The following IPCEF1 variants were observed in gnomAD, a reference collection of about 807,000 sequenced individuals.
IPCEF1 encodes the protein interaction protein for cytohesin exchange factors 1.
A neutral mutation model predicts 50.9 loss-of-function variants in IPCEF1; 31 were observed. That is an observed-to-expected ratio of 0.61 (90% CI 0.46 to 0.82). The LOEUF (loss-of-function observed/expected upper bound fraction) is 0.82, where lower values mean the gene tolerates loss of function less well. Ranked by LOEUF, IPCEF1 falls within the 40% of genes least tolerant of loss-of-function variation. The pLI, the probability that IPCEF1 is intolerant of heterozygous loss-of-function variation, is 0.00. For missense variants in IPCEF1, 458 were observed against 514.0 expected (o/e 0.89, Z 1.05); for synonymous variants, 181 against 192.0 (o/e 0.94, Z 0.47).
intron 10 of IPCEF1, among the ~76,000 whole-genome samples, chr6:154,182,977 CT>C (rs66951776): frequency 0.068 from 10,045 of 148,690 alleles, 399 homozygotes; most frequent in African/African-American, 0.1. Flanking sequence ...ATGCCCTTAT[CT>C]TTTTTTTTTC....
chr6:154,253,031 A>G (rs1197048956), intron 3 of IPCEF1, among the ~76,000 whole-genome samples: 2 of 152,236 alleles, frequency 1.3e-5, no homozygotes, highest in Non-Finnish European at 2.9e-5. Flanking sequence ...ATTCTAACTC[A>G]TTGATCATCC....
chr6:154,247,484 A>T lies in IPCEF1; in HGVS notation c.41T>A (p.Val14Asp), dbSNP rs745538243. Reference protein sequence around the residue: ...YMAIDGSALQVPLRQKPRRKT... With the variant: ...YMAIDGSALQDPLRQKPRRKT... ...CCTCCTGGGCTTCTGACGCAAGGGA[A>T]CCTGCTGAAAATGCAGGAAGGAAAG... The change falls in exon 4 of 12, where the codon GTT becomes GAT. Residue 14 changes from valine to aspartate, a missense_variant. By Grantham distance (152) the Val-to-Asp change is radical (BLOSUM62 -3). Transcript: ENST00000367220. 1 of 1,612,534 alleles carries T rather than the reference A, an allele frequency of 6.2e-7. No homozygotes were observed. Among genetic ancestry groups the T allele is most frequent in the South Asian group, 1.1e-5 (1 of 90,978 alleles).
At chr6:154,255,035 T>C (rs892312998) in intron 3 of IPCEF1, among the ~76,000 whole-genome samples, 1 of 152,234 alleles carries the variant, frequency 6.6e-6, no homozygotes, top group Admixed American at 6.5e-5. Flanking sequence ...TATTGCAGTC[T>C]ACATATTTAT....
chr6:154,181,811 G>T (rs1800901120), intron 10 of IPCEF1, among the ~76,000 whole-genome samples: 1 of 152,150 alleles, frequency 6.6e-6, no homozygotes, highest in Non-Finnish European at 1.5e-5. Context: ...TTACCTTCTT[G>T]GGGACTTGAA....
chr6:154,246,888 C>A, intron 4 of IPCEF1, 128 bp from the exon 5 acceptor site: 2 of 1,039,176 alleles, frequency 1.9e-6, no homozygotes, highest in South Asian at 2.9e-5. Flanking sequence ...CTGGATTTTT[C>A]ACCAAGATTT....
At chr6:154,284,610 G>A (rs553808503) in intron 2 of IPCEF1, among the ~76,000 whole-genome samples, 1 of 152,270 alleles carries the variant, frequency 6.6e-6, no homozygotes, top group African/African-American at 2.4e-5. Flanking sequence ...GTTGCAGGAT[G>A]GTGGAGCTTT....
At chr6:154,195,497 A>G (rs2128586699) in intron 10 of IPCEF1, among the ~76,000 whole-genome samples, 1 of 152,180 alleles carries the variant, frequency 6.6e-6, no homozygotes, top group East Asian at 1.9e-4. Context: ...CTGATGAGAA[A>G]TGGTCATCCA....
intron 1 of IPCEF1, among the ~76,000 whole-genome samples, chr6:154,291,127 C>T (rs969599770): frequency 5.3e-5 from 8 of 152,018 alleles, no homozygotes; most frequent in East Asian, 1.9e-4. Flanking sequence ...CTCCTGACCT[C>T]GTGATCCACC....
chr6:154,313,345 A>C (rs1783132586), intron 1 of IPCEF1, among the ~76,000 whole-genome samples: 1 of 151,814 alleles, frequency 6.6e-6, no homozygotes, highest in Non-Finnish European at 1.5e-5. Context: ...ACTCCACTCC[A>C]TCTTGAGCAA....
intron 10 of IPCEF1, among the ~76,000 whole-genome samples, chr6:154,175,720 C>T (rs568778385): frequency 1.2e-4 from 19 of 152,270 alleles, no homozygotes; most frequent in South Asian, 6.2e-4. Context: ...CAGATGGATT[C>T]GCAGCCGAAT....
In IPCEF1 at chr6:154,159,971, T is replaced by G. The variant is rs1417449785; in HGVS notation, c.1174A>C (p.Arg392=). The change falls in exon 12 of 12, where the codon AGA becomes CGA. Residue 392 remains arginine, a synonymous_variant. Coordinates refer to ENST00000367220, the MANE Select transcript of IPCEF1 (RefSeq NM_001130700.2). ...DDPKLTARKY[R]EWKVMNTLLI... ...AGGGTGTTCATGACTTTCCACTCTC[T>G]GTATTTCCTGGCTGTCAGCTTCGGG... is the stretch of plus-strand genomic sequence containing the variant. The G allele has an allele frequency of 6.2e-7, 1 of 1,613,352 alleles. No individual in the cohort carries two copies. Among genetic ancestry groups the G allele is most frequent in the Non-Finnish European group, 8.5e-7 (1 of 1,180,004 alleles).
chr6:154,247,303 A>T (rs867681124), intron 4 of IPCEF1, 146 bp downstream of exon 4: 2 of 643,704 alleles, frequency 3.1e-6, no homozygotes, highest in African/African-American at 1.8e-5. Flanking sequence ...AATCGATTCA[A>T]CAATAACCAA....
intron 2 of IPCEF1, among the ~76,000 whole-genome samples, chr6:154,273,178 T>C (rs894590114): frequency 3.3e-5 from 5 of 152,250 alleles, no homozygotes; most frequent in African/African-American, 1.2e-4. Flanking sequence ...TTTAAAATTA[T>C]AATGCTGGCA....
At chr6:154,233,664 G>T (rs1779894083) in intron 5 of IPCEF1, among the ~76,000 whole-genome samples, 2 of 152,162 alleles carry the variant, frequency 1.3e-5, no homozygotes, top group African/African-American at 4.8e-5. Context: ...AGGATACTGA[G>T]GCTCCAACAG....
intron 3 of IPCEF1, among the ~76,000 whole-genome samples, chr6:154,265,202 C>T (rs755949109): frequency 6.6e-6 from 1 of 152,170 alleles, no homozygotes; most frequent in Non-Finnish European, 1.5e-5. Context: ...TATACTTGCT[C>T]AATTCACTTA....
intron 3 of IPCEF1, among the ~76,000 whole-genome samples, chr6:154,260,817 T>C (rs1313688405): frequency 1.3e-5 from 2 of 152,040 alleles, no homozygotes; most frequent in African/African-American, 4.8e-5. Flanking sequence ...TATATGCTAG[T>C]ATTATTTATT....
chr6:154,305,910 G>A (rs1265230179), intron 1 of IPCEF1, among the ~76,000 whole-genome samples: 1 of 152,144 alleles, frequency 6.6e-6, no homozygotes. Context: ...TTGGGCCTTT[G>A]GCCACTGTCT....
chr6:154,355,549 C>A (rs1315590871), intron 1 of IPCEF1, among the ~76,000 whole-genome samples: 1 of 150,856 alleles, frequency 6.6e-6, no homozygotes, highest in African/African-American at 2.4e-5. Flanking sequence ...AGTGCAGTGG[C>A]GCAATCTCAG....
intron 11 of IPCEF1, among the ~76,000 whole-genome samples, chr6:154,163,839 A>AATAG (rs1042167272): frequency 1.9e-3 from 282 of 152,324 alleles, no homozygotes; most frequent in African/African-American, 6.3e-3. Context: ...GATAGATATT[A>AATAG]ATAGATAGAT....
Sources: allele counts gnomAD v4.1 joint callset (sites outside exome capture counted in the v4.1 genomes callset), GRCh38; gene constraint gnomAD v4.1.1; transcripts MANE v1.5; gene names NCBI Gene and HGNC (gene_info 2026-07-23, HGNC 2026-07-21).